Variants in GLIS3 observed in about 807,000 individuals in gnomAD.
GLIS3 encodes the protein zinc finger protein GLIS3.
GLIS3 carries 53 observed loss-of-function variants against 78.6 expected under a neutral mutation model. That is an observed-to-expected ratio of 0.67 (90% CI 0.54 to 0.85). The LOEUF (loss-of-function observed/expected upper bound fraction) is 0.85, where lower values mean the gene tolerates loss of function less well. Ranked by LOEUF, GLIS3 falls within the 40% of genes least tolerant of loss-of-function variation. The probability of loss-of-function intolerance (pLI) is 0.00; values close to 1 mark genes in which losing one functional copy is unlikely to be tolerated. For synonymous variants in GLIS3, 684 were observed against 509.9 expected (o/e 1.34, Z -4.60); for missense variants, 1,703 against 1,231.1 (o/e 1.38, Z -5.74).
At chr9:4,449,753 C>A in the GLIS3 span, among the ~76,000 whole-genome samples, 1 of 152,128 alleles carries the variant, frequency 6.6e-6, no homozygotes, top group South Asian at 2.1e-4. Flanking sequence ...GCTGAGGGAC[C>A]TGACTCTTAG....
At chr9:3,843,496 C>A (rs999155044) in intron 9 of GLIS3, among the ~76,000 whole-genome samples, 1 of 152,162 alleles carries the variant, frequency 6.6e-6, no homozygotes, top group Non-Finnish European at 1.5e-5. Flanking sequence ...ACCTGACATA[C>A]ATCACTGGAT....
chr9:4,125,452 C>G (rs368942928), intron 3 of GLIS3, among the ~76,000 whole-genome samples: 1 of 152,122 alleles, frequency 6.6e-6, no homozygotes, highest in African/African-American at 2.4e-5. Flanking sequence ...ATTTACACAC[C>G]GTGTTTCAGT....
At chr9:4,294,502 T>C (rs1816308809) in intron 1 of GLIS3, among the ~76,000 whole-genome samples, 2 of 149,572 alleles carry the variant, frequency 1.3e-5, no homozygotes, top group South Asian at 4.2e-4. Context: ...AGAGCGAAAT[T>C]ATGTCTCAAA....
At chr9:4,223,233 C>T (rs1821484888) in intron 2 of GLIS3, among the ~76,000 whole-genome samples, 1 of 152,174 alleles carries the variant, frequency 6.6e-6, no homozygotes, top group Non-Finnish European at 1.5e-5. Context: ...CAGCACATTG[C>T]CACATACCTT....
chr9:4,150,022 G>GT (rs1350562537), intron 2 of GLIS3, among the ~76,000 whole-genome samples: 1 of 150,748 alleles, frequency 6.6e-6, no homozygotes. Flanking sequence ...CATAATGCAC[G>GT]TGCGGGTGCA....
chr9:3,989,464 A>G (rs1820042285), intron 4 of GLIS3, among the ~76,000 whole-genome samples: 1 of 152,232 alleles, frequency 6.6e-6, no homozygotes. Context: ...CTTTACTTGT[A>G]ATAGCTTAAA....
chr9:4,265,177 A>G (rs1364961264), intron 2 of GLIS3, among the ~76,000 whole-genome samples: 1 of 144,104 alleles, frequency 6.9e-6, no homozygotes, highest in Non-Finnish European at 1.5e-5. Flanking sequence ...GTCTCAAAAA[A>G]AAAAAAAAAA....
chr9:4,096,885 G>C (rs552447914), intron 4 of GLIS3, among the ~76,000 whole-genome samples: 1 of 152,068 alleles, frequency 6.6e-6, no homozygotes, highest in African/African-American at 2.4e-5. Context: ...AGTGGCAGGC[G>C]CCTGTAATCC....
At chr9:4,402,449 G>A in the GLIS3 span, among the ~76,000 whole-genome samples, 3 of 152,150 alleles carry the variant, frequency 2.0e-5, no homozygotes, top group East Asian at 5.8e-4. Flanking sequence ...ACACCATCCA[G>A]GAAAACATGA....
At chr9:4,471,119 T>C in the GLIS3 span, among the ~76,000 whole-genome samples, 32 of 152,280 alleles carry the variant, frequency 2.1e-4, no homozygotes, top group South Asian at 6.2e-4. Flanking sequence ...CACAAACAAA[T>C]GGAAGAACGT....
chr9:4,329,076 T>A lies in GLIS3; in HGVS notation n.264+18005A>T, dbSNP rs541579101. Among the ~76,000 whole-genome samples the A allele has an allele frequency of 2.5e-4, 38 of 152,320 alleles. 1 individual carries two copies. The Middle Eastern group carries it at 0.01, about 41-fold the overall frequency. Reference sequence around the variant, plus strand: ...GCTTGCCAGGCTATCGTTTTAACACTTAGAGAAATAGCCTAGACCTTTTTC... The same window carrying A: ...GCTTGCCAGGCTATCGTTTTAACACATAGAGAAATAGCCTAGACCTTTTTC... On this transcript the variant is annotated intron_variant and non_coding_transcript_variant, in intron 2 of 4. Coordinates refer to the GLIS3 transcript ENST00000471664.
the GLIS3 span, among the ~76,000 whole-genome samples, chr9:4,451,004 A>C: frequency 5.3e-5 from 8 of 152,196 alleles, no homozygotes; most frequent in African/African-American, 1.9e-4. Flanking sequence ...AACAATACTA[A>C]CCTTAAATGT....
At chr9:4,262,138 G>C (rs984597377) in intron 2 of GLIS3, among the ~76,000 whole-genome samples, 1 of 152,034 alleles carries the variant, frequency 6.6e-6, no homozygotes, top group Non-Finnish European at 1.5e-5. Flanking sequence ...GAGTGCTCTC[G>C]GATCTGGGAG....
At chr9:4,032,523 T>C (rs1823927973) in intron 4 of GLIS3, among the ~76,000 whole-genome samples, 2 of 152,180 alleles carry the variant, frequency 1.3e-5, no homozygotes, top group Admixed American at 6.5e-5. Flanking sequence ...TATTTAGAGA[T>C]GGCAGAATGG....
At chr9:3,917,458 C>T (rs1824594724) in intron 6 of GLIS3, among the ~76,000 whole-genome samples, 1 of 152,202 alleles carries the variant, frequency 6.6e-6, no homozygotes, top group Non-Finnish European at 1.5e-5. Flanking sequence ...AATATACTGC[C>T]TACATTCCTT....
chr9:4,079,261 G>C (rs539677815), intron 4 of GLIS3, among the ~76,000 whole-genome samples: 1 of 152,280 alleles, frequency 6.6e-6, no homozygotes, highest in South Asian at 2.1e-4. Flanking sequence ...GTAAGTGAAA[G>C]GTATTAGAAT....
chr9:4,346,341 T>G (rs982785407), intron 2 of GLIS3, among the ~76,000 whole-genome samples: 3 of 152,186 alleles, frequency 2.0e-5, no homozygotes, highest in African/African-American at 4.8e-5. Context: ...CATACAAAGC[T>G]TCATTTGACA....
At chr9:4,235,554 C>A (rs1380232778) in intron 2 of GLIS3, among the ~76,000 whole-genome samples, 2 of 152,014 alleles carry the variant, frequency 1.3e-5, no homozygotes, top group African/African-American at 4.8e-5. Context: ...ATTCATTTAC[C>A]CCCAGTTACT....
At chr9:3,988,840 T>C (rs1180126013) in intron 4 of GLIS3, among the ~76,000 whole-genome samples, 1 of 152,148 alleles carries the variant, frequency 6.6e-6, no homozygotes, top group Non-Finnish European at 1.5e-5. Flanking sequence ...AACAAATTGT[T>C]AGGATTTAGA....
Sources: allele counts gnomAD v4.1 joint callset (sites outside exome capture counted in the v4.1 genomes callset), GRCh38; gene constraint gnomAD v4.1.1; transcripts MANE v1.5; gene names NCBI Gene and HGNC (gene_info 2026-07-23, HGNC 2026-07-21).